Variants in KCNT2 observed in about 807,000 individuals in gnomAD.
The protein encoded by KCNT2 is potassium sodium-activated channel subfamily T member 2.
KCNT2 carries 67 observed loss-of-function variants against 153.8 expected under a neutral mutation model. That is an observed-to-expected ratio of 0.44 (90% CI 0.36 to 0.53). KCNT2 has a LOEUF of 0.53. Ranked by LOEUF, KCNT2 falls within the 20% of genes least tolerant of loss-of-function variation. KCNT2 has a pLI of 0.00. For missense variants in KCNT2, 975 were observed against 1,354.8 expected (o/e 0.72, Z 4.40); for synonymous variants, 500 against 458.8 (o/e 1.09, Z -1.15).
chr1:196,367,770 A>T (rs1000016775), intron 14 of KCNT2, among the ~76,000 whole-genome samples: 1 of 152,144 alleles, frequency 6.6e-6, no homozygotes, highest in Non-Finnish European at 1.5e-5. Flanking sequence ...AAAATACTTA[A>T]TGTTTCAGGA....
intron 1 of KCNT2, among the ~76,000 whole-genome samples, chr1:196,519,281 A>C (rs1653026460): frequency 6.6e-6 from 1 of 152,164 alleles, no homozygotes. Flanking sequence ...AGAATCTCTG[A>C]GACACAGCTA....
At chr1:196,429,888 T>TC in intron 8 of KCNT2, 131 bp from the exon 9 acceptor site, 1 of 588,778 alleles carries the variant, frequency 1.7e-6, no homozygotes, top group Non-Finnish European at 2.9e-6. Context: ...TTACAATATA[T>TC]TTTTCTAGGA....
At chr1:196,437,413 A>T (rs1295053020) in intron 8 of KCNT2, among the ~76,000 whole-genome samples, 1 of 141,448 alleles carries the variant, frequency 7.1e-6, no homozygotes, top group African/African-American at 2.6e-5. Flanking sequence ...ATATATATAT[A>T]AGTTTTCTTA....
chr1:196,535,811 T>C (rs1425704126), intron 1 of KCNT2, among the ~76,000 whole-genome samples: 1 of 152,218 alleles, frequency 6.6e-6, no homozygotes, highest in Non-Finnish European at 1.5e-5. Context: ...TTACAGACAA[T>C]AGTGGCTTCC....
intron 8 of KCNT2, among the ~76,000 whole-genome samples, chr1:196,437,173 TAAAC>T (rs1302447085): frequency 2.2e-5 from 2 of 91,056 alleles, no homozygotes; most frequent in African/African-American, 8.4e-5. Context: ...TATATGATAA[TAAAC>T]AAAATGTGTG....
At chr1:196,315,456 G>T (rs74897622) in intron 21 of KCNT2, among the ~76,000 whole-genome samples, 3,938 of 151,732 alleles carry the variant, frequency 0.026, 78 homozygotes, top group Non-Finnish European at 0.041. Flanking sequence ...CAGTGAAAAT[G>T]ATGTCATGAC....
At chr1:196,281,864 C>T (rs2147872015) in intron 24 of KCNT2, among the ~76,000 whole-genome samples, 1 of 151,590 alleles carries the variant, frequency 6.6e-6, no homozygotes, top group South Asian at 2.1e-4. Context: ...TCACGCCATT[C>T]TCAGCCTCCC....
chr1:196,411,446 T>TAAA lies in KCNT2; in HGVS notation c.1185+11601_1185+11603dup, dbSNP rs35196093. Among the ~76,000 whole-genome samples the TAAA allele has an allele frequency of 1.4e-3, 130 of 96,274 alleles. 2 individuals are homozygous for TAAA. The highest frequency in any genetic ancestry group is 5.5e-3 in the East Asian group (15 of 2,748). 63.2% of individuals were successfully genotyped at this position (96,274 alleles called of 152,430 possible). ...CAGGATTGTTTTTAACTATTCCAGTTAAAAAAAAAAAAAAAAAAAAAAACG... is the reference window on the plus strand; with the variant it reads ...CAGGATTGTTTTTAACTATTCCAGTTAAAAAAAAAAAAAAAAAAAAAAAAAACG... On this transcript the variant is annotated intron_variant, in intron 12 of 27. Coordinates refer to ENST00000294725, the MANE Select transcript of KCNT2 (RefSeq NM_198503.5).
intron 22 of KCNT2, among the ~76,000 whole-genome samples, chr1:196,291,916 C>T (rs1660220589): frequency 6.6e-6 from 1 of 152,104 alleles, no homozygotes; most frequent in Non-Finnish European, 1.5e-5. Context: ...AGAAATTAGT[C>T]TAGGGATCTA....
At chr1:196,258,139 T>G in intron 26 of KCNT2, 55 bp downstream of exon 26, 1 of 1,566,448 alleles carries the variant, frequency 6.4e-7, no homozygotes, top group Non-Finnish European at 8.6e-7. Flanking sequence ...ACTATATTAC[T>G]ACTAATGGCA....
rs550101660 is a variant in KCNT2 at position 196,405,537 on chromosome 1, A to G, written c.1186-6866T>C. ...GCAGGAATTATTTTACTGAAATCCA[A>G]ATAACCCATTAAAGAACTCAGACAT... is the stretch of plus-strand genomic sequence containing the variant. On this transcript the variant is annotated intron_variant, in intron 12 of 27. Transcript: ENST00000294725. 9.7e-4 allele frequency among the ~76,000 whole-genome samples: 147 copies of G among 151,656 alleles called. 1 individual carries two copies. Among genetic ancestry groups the G allele is most frequent in the African/African-American group, 2.0e-3 (84 of 41,490 alleles).
At chr1:196,418,183 A>G (rs1179601813) in intron 12 of KCNT2, among the ~76,000 whole-genome samples, 1 of 151,874 alleles carries the variant, frequency 6.6e-6, no homozygotes, top group Non-Finnish European at 1.5e-5. Context: ...ATAAAAAAAT[A>G]CCCCAGATTT....
At chr1:196,412,922 A>G (rs1413602523) in intron 12 of KCNT2, among the ~76,000 whole-genome samples, 1 of 151,674 alleles carries the variant, frequency 6.6e-6, no homozygotes, top group Non-Finnish European at 1.5e-5. Context: ...AAAAATGAAA[A>G]TTGGGAAATG....
rs548307752 is a variant in KCNT2, at chr1:196,481,697, A to G, written c.324+634T>C. On this transcript the variant is annotated intron_variant, in intron 4 of 27. Coordinates refer to ENST00000294725, the MANE Select transcript of KCNT2 (RefSeq NM_198503.5). ...ACTTACAAAAAGTTCACTGGGCATG[A>G]AATTCAGTAGGAAACAAAACAAAAC... 2.0e-5 allele frequency among the ~76,000 whole-genome samples: 3 copies of G among 152,322 alleles called. No individual in the cohort carries two copies. The South Asian group carries it at 6.2e-4, about 32-fold the overall frequency.
At chr1:196,360,161 A>G (rs1027349739) in intron 14 of KCNT2, among the ~76,000 whole-genome samples, 1 of 151,970 alleles carries the variant, frequency 6.6e-6, no homozygotes, top group East Asian at 1.9e-4. Context: ...TTTAATACAC[A>G]TTGCCTTATA....
At chr1:196,326,334 ATAAT>A (rs1663849981) in intron 19 of KCNT2, among the ~76,000 whole-genome samples, 1 of 152,004 alleles carries the variant, frequency 6.6e-6, no homozygotes, top group African/African-American at 2.4e-5. Flanking sequence ...TGCTTCTCTG[ATAAT>A]TAATGGTTCT....
intron 3 of KCNT2, among the ~76,000 whole-genome samples, chr1:196,484,107 C>T (rs1679226857): frequency 6.6e-6 from 1 of 152,054 alleles, no homozygotes; most frequent in South Asian, 2.1e-4. Context: ...GTAGCAATCT[C>T]TGGAAAAAAT....
rs148561043 is a variant in KCNT2 at position 196,360,626 on chromosome 1, G to A, written c.1403+12514C>T. Among the ~76,000 whole-genome samples, 32 of 152,006 alleles carry A rather than the reference G, an allele frequency of 2.1e-4. No homozygotes were observed. The East Asian group carries it at 6.2e-3, about 30-fold the overall frequency. On this transcript the variant is annotated intron_variant, in intron 14 of 27. Coordinates refer to ENST00000294725, the MANE Select transcript of KCNT2 (RefSeq NM_198503.5). ...TGGGCCCTATTACAATCTGACTGGTGTCTTCCGAAGAAGAGGAAATTTGAA... is the reference window on the plus strand; with the variant it reads ...TGGGCCCTATTACAATCTGACTGGTATCTTCCGAAGAAGAGGAAATTTGAA...
intron 12 of KCNT2, among the ~76,000 whole-genome samples, chr1:196,402,473 A>G (rs75822786): frequency 1.6e-4 from 24 of 151,688 alleles, no homozygotes; most frequent in African/African-American, 5.8e-4. Context: ...GCTCACTATG[A>G]AGCAGTAAGA....
Sources: gnomAD v4.1 joint callset for allele counts (sites outside exome capture counted in the v4.1 genomes callset) on GRCh38, gnomAD v4.1.1 for gene constraint, MANE v1.5 for transcripts, NCBI Gene and HGNC (gene_info 2026-07-23, HGNC 2026-07-21) for gene names.